The following RFX3 variants were observed in gnomAD, a reference collection of about 807,000 sequenced individuals.
RFX3 encodes the protein regulatory factor X3.
In RFX3, 14 loss-of-function variants were observed where a neutral mutation model predicts 98.6. The ratio of observed to expected loss-of-function variants is 0.14; its 90% CI spans 0.09 to 0.22. The LOEUF is 0.22. Ranked by LOEUF, RFX3 falls within the 10% of genes least tolerant of loss-of-function variation. The pLI, the probability that RFX3 is intolerant of heterozygous loss-of-function variation, is 1.00. For synonymous variants in RFX3, 383 were observed against 328.4 expected (o/e 1.17, Z -1.80); for missense variants, 639 against 926.9 (o/e 0.69, Z 4.03).
rs1175922264 is a variant in RFX3 at position 3,218,547 on chromosome 9, T to C, written c.*6495A>G. ...CGCCCACAAACTATTATTTAGCTCC[T>C]GCCAATTTTGAGAGGACATGATATA... On this transcript the variant is annotated 3_prime_UTR_variant, in exon 17 of 17. Coordinates refer to ENST00000617270, the MANE Select transcript of RFX3 (RefSeq NM_001282116.2). The C allele has an allele frequency of 2.0e-5, 3 of 152,188 alleles. No individual in the cohort carries two copies. Among genetic ancestry groups the C allele is most frequent in the African/African-American group, 7.2e-5 (3 of 41,466 alleles). The allele number at this position is 152,188 out of a possible 1,614,324, so 9.4% of individuals were successfully genotyped here.
chr9:3,323,216 G>A (rs182512542), intron 4 of RFX3, among the ~76,000 whole-genome samples: 4 of 152,274 alleles, frequency 2.6e-5, no homozygotes, highest in Admixed American at 2.6e-4. Flanking sequence ...ACAGGAACAT[G>A]GAGAAATTCT....
intron 10 of RFX3, 164 bp downstream of exon 10, chr9:3,270,839 C>A (rs1437463678): frequency 4.2e-6 from 4 of 954,762 alleles, no homozygotes; most frequent in Non-Finnish European, 6.3e-6. Flanking sequence ...CACACTGAAA[C>A]CTCAAGAGAG....
At chr9:3,523,146 A>G (rs559221777) in intron 1 of RFX3, among the ~76,000 whole-genome samples, 1 of 152,352 alleles carries the variant, frequency 6.6e-6, no homozygotes, top group South Asian at 2.1e-4. Flanking sequence ...TGAGTTAGGC[A>G]TTATGACATA....
chr9:3,518,582 A>G (rs918055230), intron 1 of RFX3, among the ~76,000 whole-genome samples: 13 of 152,230 alleles, frequency 8.5e-5, no homozygotes, highest in Non-Finnish European at 1.3e-4. Context: ...GAGAAAGATT[A>G]GGACTGTTTA....
intron 1 of RFX3, among the ~76,000 whole-genome samples, chr9:3,433,954 C>A (rs1194830782): frequency 6.6e-6 from 1 of 152,098 alleles, no homozygotes; most frequent in Non-Finnish European, 1.5e-5. Context: ...GGCAGCCAGG[C>A]GGATTTGGCA....
intron 1 of RFX3, among the ~76,000 whole-genome samples, chr9:3,511,957 ATGTG>A (rs1156562205): frequency 6.6e-6 from 1 of 152,112 alleles, no homozygotes; most frequent in African/African-American, 2.4e-5. Context: ...TATAATTAGA[ATGTG>A]TGTAACACAA....
chr9:3,398,655 C>T (rs965630414), intron 1 of RFX3, among the ~76,000 whole-genome samples: 9 of 152,184 alleles, frequency 5.9e-5, no homozygotes, highest in Non-Finnish European at 2.9e-5. Flanking sequence ...TGATGTCACT[C>T]GCACTAAATC....
chr9:3,413,969 C>T (rs1320293778), intron 1 of RFX3, among the ~76,000 whole-genome samples: 1 of 151,914 alleles, frequency 6.6e-6, no homozygotes, highest in Non-Finnish European at 1.5e-5. Flanking sequence ...TCATCTTTAC[C>T]TCCTCTGTTA....
chr9:3,502,936 C>T (rs1340358844), intron 1 of RFX3, among the ~76,000 whole-genome samples: 1 of 152,124 alleles, frequency 6.6e-6, no homozygotes, highest in Non-Finnish European at 1.5e-5. Flanking sequence ...TTCACTTCAT[C>T]ATTTCATCAA....
At chr9:3,248,986 G>C (rs754225917) in intron 14 of RFX3, among the ~76,000 whole-genome samples, 12 of 152,046 alleles carry the variant, frequency 7.9e-5, no homozygotes, top group Admixed American at 6.6e-5. Context: ...GCTTGTTCAT[G>C]CACTTCAAAT....
chr9:3,404,374 C>T (rs191319677), intron 1 of RFX3, among the ~76,000 whole-genome samples: 66 of 152,150 alleles, frequency 4.3e-4, no homozygotes, highest in African/African-American at 1.1e-3. Flanking sequence ...ACTGTAAATT[C>T]GGATACTTAA....
chr9:3,253,126 T>C (rs1821646793), intron 14 of RFX3, among the ~76,000 whole-genome samples: 1 of 152,230 alleles, frequency 6.6e-6, no homozygotes, highest in African/African-American at 2.4e-5. Flanking sequence ...TATTTTATAA[T>C]GGACAAGAAA....
chr9:3,402,870 G>A (rs10971806), intron 1 of RFX3, among the ~76,000 whole-genome samples: 29,859 of 151,596 alleles, frequency 0.2, 4,854 homozygotes, highest in African/African-American at 0.45. Context: ...CACAATTCCA[G>A]CTATTCTGGA....
At chr9:3,374,809 C>T (rs1232360383) in intron 2 of RFX3, among the ~76,000 whole-genome samples, 1 of 151,254 alleles carries the variant, frequency 6.6e-6, no homozygotes, top group Non-Finnish European at 1.5e-5. Context: ...GAACTGTACA[C>T]TTAAAAATGG....
intron 1 of RFX3, among the ~76,000 whole-genome samples, chr9:3,519,138 T>C (rs1459685209): frequency 6.6e-6 from 1 of 152,180 alleles, no homozygotes; most frequent in Non-Finnish European, 1.5e-5. Context: ...GATAATGACA[T>C]ATTACATCAT....
chr9:3,503,389 C>T (rs979310569), intron 1 of RFX3, among the ~76,000 whole-genome samples: 2 of 149,820 alleles, frequency 1.3e-5, no homozygotes, highest in African/African-American at 4.8e-5. Context: ...AATGTATACA[C>T]ATTTATGTTA....
chr9:3,246,021 A>T (rs1306779404), intron 15 of RFX3, among the ~76,000 whole-genome samples: 1 of 152,208 alleles, frequency 6.6e-6, no homozygotes, highest in Non-Finnish European at 1.5e-5. Flanking sequence ...TGATAGTATG[A>T]CCATGGCCAA....
At chr9:3,520,156 G>T (rs771147267) in intron 1 of RFX3, among the ~76,000 whole-genome samples, 2 of 152,036 alleles carry the variant, frequency 1.3e-5, no homozygotes, top group Non-Finnish European at 2.9e-5. Context: ...TAAACTGTAG[G>T]ACTATATTTT....
intron 2 of RFX3, among the ~76,000 whole-genome samples, chr9:3,368,204 G>A (rs1242314783): frequency 6.6e-6 from 1 of 151,940 alleles, no homozygotes; most frequent in African/African-American, 2.4e-5. Context: ...GCAGTTTAGA[G>A]AAATCCAAAC....
Sources: allele counts gnomAD v4.1 joint callset (sites outside exome capture counted in the v4.1 genomes callset), GRCh38; gene constraint gnomAD v4.1.1; transcripts MANE v1.5; gene names NCBI Gene and HGNC (gene_info 2026-07-23, HGNC 2026-07-21).